Variants in SLC7A14 observed in about 807,000 individuals in gnomAD.
SLC7A14 encodes solute carrier family 7 member 14.
In SLC7A14, 37 loss-of-function variants were observed where a neutral mutation model predicts 60.2. The ratio of observed to expected loss-of-function variants is 0.61; its 90% confidence interval spans 0.47 to 0.81. The LOEUF (loss-of-function observed/expected upper bound fraction) is 0.81. Ranked by LOEUF, SLC7A14 falls within the 30% of genes least tolerant of loss-of-function variation. SLC7A14 has a pLI of 0.00. For missense variants in SLC7A14, 886 were observed against 982.7 expected (o/e 0.90, Z 1.32); for synonymous variants, 399 against 395.8 (o/e 1.01, Z -0.10).
At chr3:170,548,729 A>G (rs930691563) in intron 1 of SLC7A14, among the ~76,000 whole-genome samples, 3 of 152,168 alleles carry the variant, frequency 2.0e-5, no homozygotes, top group Non-Finnish European at 4.4e-5. Context: ...ATATTTTTGC[A>G]ATTCCTGGTT....
At chr3:170,560,356 T>C (rs1368633299) in intron 1 of SLC7A14, among the ~76,000 whole-genome samples, 23 of 152,026 alleles carry the variant, frequency 1.5e-4, no homozygotes, top group Non-Finnish European at 2.9e-5. Flanking sequence ...GAACAAAAGA[T>C]TAGTATAAAT....
rs1713821232 is a variant in SLC7A14 at position 170,535,888 on chromosome 3, A to C, written c.-152-8800T>G. On this transcript the variant is annotated intron_variant, in intron 1 of 7. Coordinates refer to ENST00000231706, the MANE Select transcript of SLC7A14 (RefSeq NM_020949.3). The surrounding 1 kb of genome is among the most constrained non-coding windows in gnomAD (Gnocchi z 4.3). ...ACTGCCCTCATCTTTATATATATTA[A>C]CAGTTCTTTTCACTAACTTTCCTCA... Among the ~76,000 whole-genome samples, 1 of 152,110 alleles carries C rather than the reference A, an allele frequency of 6.6e-6. No individual in the cohort carries two copies. Among genetic ancestry groups the C allele is most frequent in the Non-Finnish European group, 1.5e-5 (1 of 68,016 alleles).
chr3:170,554,744 T>A (rs1269382812), intron 1 of SLC7A14, among the ~76,000 whole-genome samples: 2 of 152,230 alleles, frequency 1.3e-5, no homozygotes, highest in Admixed American at 6.5e-5. Context: ...AACACCCTGA[T>A]GCAAAAAGAA....
In SLC7A14 at chr3:170,562,827, A is replaced by G. The variant is rs533107973; in HGVS notation, c.-153+23084T>C. On this transcript the variant is annotated intron_variant, in intron 1 of 7. Transcript: ENST00000231706. ...GCTGGAGTACAGTGGCACGATCTCA[A>G]CTCACTGTGACCTCTAGAGGCCTCC... Among the ~76,000 whole-genome samples, 346 of 151,732 alleles carry G rather than the reference A, an allele frequency of 2.3e-3. 1 individual carries two copies. Among genetic ancestry groups the G allele is most frequent in the African/African-American group, 8.0e-3 (329 of 41,360 alleles).
chr3:170,480,506 C>T lies in SLC7A14; in HGVS notation c.1776G>A (p.Glu592=), dbSNP rs1711773965. ...CCAGAAGGATGGCCCACCAGCTCTG[C>T]TCTGAGATGTAGTCAGAACCAAAGA... The part of the protein sequence containing the change: ...FIIFGSDYIS[E]QSWWAILLVV... Residue 592 remains glutamate (E), a synonymous_variant, in exon 7 of 8, where the codon GAG becomes GAA. Transcript: ENST00000231706. 6.2e-7 allele frequency: 1 copy of T among 1,614,080 alleles called. No individual in the cohort carries two copies. The highest frequency in any genetic ancestry group is 1.1e-5 in the South Asian group (1 of 91,082).
At chr3:170,483,191 C>T in intron 6 of SLC7A14, 123 bp downstream of exon 6, 1 of 1,149,388 alleles carries the variant, frequency 8.7e-7, no homozygotes, top group Non-Finnish European at 1.3e-6. Flanking sequence ...GGATACATAA[C>T]AAGGTCCACA....
At chr3:170,494,293 A>G (rs16855137) in intron 4 of SLC7A14, among the ~76,000 whole-genome samples, 55,097 of 152,200 alleles carry the variant, frequency 0.36, 11,247 homozygotes, top group African/African-American at 0.57. Flanking sequence ...TGTCACAAAG[A>G]AAATGTTCAA....
rs1713530061 is a variant in SLC7A14, at chr3:170,527,008, G to A, written c.-72C>T. ...TACAAAGCCTTAGTGGATGGTTCTGGAACTCATCTAGTGAACAGGGATCTC... is the reference window on the plus strand; with the variant it reads ...TACAAAGCCTTAGTGGATGGTTCTGAAACTCATCTAGTGAACAGGGATCTC... On this transcript the variant is annotated 5_prime_UTR_variant, in exon 2 of 8. Coordinates refer to ENST00000231706, the MANE Select transcript of SLC7A14 (RefSeq NM_020949.3). 2.7e-6 allele frequency: 4 copies of A among 1,481,874 alleles called. No individual in the cohort carries two copies. The highest frequency in any genetic ancestry group is 3.6e-6 in the Non-Finnish European group (4 of 1,102,362). The allele number at this position is 1,481,874 out of a possible 1,614,324, so 91.8% of individuals were successfully genotyped here.
chr3:170,560,012 A>G (rs1406464487), intron 1 of SLC7A14, among the ~76,000 whole-genome samples: 2 of 152,244 alleles, frequency 1.3e-5, no homozygotes, highest in African/African-American at 2.4e-5. Context: ...TGTCTTATCA[A>G]TAACTTTATA....
intron 1 of SLC7A14, among the ~76,000 whole-genome samples, chr3:170,554,173 G>A (rs1009084671): frequency 6.6e-6 from 1 of 152,166 alleles, no homozygotes; most frequent in African/African-American, 2.4e-5. Flanking sequence ...AATAAATGTT[G>A]AGACATTTGC....
intron 1 of SLC7A14, among the ~76,000 whole-genome samples, chr3:170,569,711 A>G (rs988039626): frequency 3.9e-5 from 6 of 152,036 alleles, no homozygotes; most frequent in Non-Finnish European, 8.8e-5. Flanking sequence ...CTATTCAGAG[A>G]TTCAACTTCT....
At chr3:170,502,966 C>T (rs191454029) in intron 2 of SLC7A14, 1 of 152,308 alleles carries the variant, frequency 6.6e-6, no homozygotes, top group Non-Finnish European at 1.5e-5. Context: ...CTCTGACCCT[C>T]TAGGATTCCA....
At chr3:170,507,885 C>T (rs893729618) in intron 2 of SLC7A14, among the ~76,000 whole-genome samples, 1 of 152,156 alleles carries the variant, frequency 6.6e-6, no homozygotes, top group African/African-American at 2.4e-5. Flanking sequence ...TCCCCAAAGC[C>T]CCTCACCCTC....
rs1361652051 is a variant in SLC7A14, at chr3:170,532,973, A to G, written c.-152-5885T>C. Among the ~76,000 whole-genome samples, 1 of 152,008 alleles carries G rather than the reference A, an allele frequency of 6.6e-6. No homozygotes were observed. The highest frequency in any genetic ancestry group is 1.5e-5 in the Non-Finnish European group (1 of 68,010). On this transcript the variant is annotated intron_variant, in intron 1 of 7. Coordinates refer to ENST00000231706, the MANE Select transcript of SLC7A14 (RefSeq NM_020949.3). This position sits in a 1 kb window ranked among gnomAD's most constrained non-coding sequence, Gnocchi z 4.0. Reference sequence around the variant, plus strand: ...GCCTTTGGGTGTTATGCCTCCTCTCATTCTTCTATACTTTTGACTTTTTTC... The same window carrying G: ...GCCTTTGGGTGTTATGCCTCCTCTCGTTCTTCTATACTTTTGACTTTTTTC...
chr3:170,465,757 T>C lies in SLC7A14; in HGVS notation c.*1298A>G, dbSNP rs2108261078. The C allele has an allele frequency of 6.6e-6, 1 of 152,338 alleles. No individual in the cohort carries two copies. The highest frequency in any genetic ancestry group is 1.9e-4 in the East Asian group (1 of 5,190). 9.4% of individuals were successfully genotyped at this position (152,338 alleles called of 1,614,324 possible). Reference sequence around the variant, plus strand: ...CGTATCTCAGTGCAGCCACAGGAATTCTTGTAACCCAAGAGTAGAATTTAT... The same window carrying C: ...CGTATCTCAGTGCAGCCACAGGAATCCTTGTAACCCAAGAGTAGAATTTAT... On this transcript the variant is annotated 3_prime_UTR_variant, in exon 8 of 8. Coordinates refer to ENST00000231706, the MANE Select transcript of SLC7A14 (RefSeq NM_020949.3).
At chr3:170,545,242 C>G (rs1714141840) in intron 1 of SLC7A14, among the ~76,000 whole-genome samples, 1 of 152,194 alleles carries the variant, frequency 6.6e-6, no homozygotes, top group African/African-American at 2.4e-5. Flanking sequence ...ATTGGAAGAG[C>G]CAGGATGCCA....
Position 170,552,229 on chromosome 3 carries a change from A to G in SLC7A14, c.-152-25141T>C, listed in dbSNP as rs377433802. 2.0e-4 allele frequency among the ~76,000 whole-genome samples: 31 copies of G among 152,272 alleles called. No homozygotes were observed. In the East Asian group the frequency reaches 2.1e-3, roughly 10 times the overall value. On this transcript the variant is annotated intron_variant, in intron 1 of 7. Transcript: ENST00000231706. ...CAATTGGTGTCTTAGTGTCAAGACA[A>G]TTCAATAGGAAAAATAAGAGTCTAG... is the stretch of plus-strand genomic sequence containing the variant.
At chr3:170,552,705 GCTT>G (rs1193368765) in intron 1 of SLC7A14, among the ~76,000 whole-genome samples, 12 of 152,136 alleles carry the variant, frequency 7.9e-5, no homozygotes, top group African/African-American at 2.9e-4. Flanking sequence ...CCCATTGAGA[GCTT>G]CTTTTCTAAA....
chr3:170,515,089 G>A (rs978835075), intron 2 of SLC7A14, among the ~76,000 whole-genome samples: 5 of 152,040 alleles, frequency 3.3e-5, no homozygotes, highest in Non-Finnish European at 7.4e-5. Flanking sequence ...GAGGCAGGTG[G>A]ATCACCTGAG....
Sources: allele counts gnomAD v4.1 joint callset (sites outside exome capture counted in the v4.1 genomes callset), GRCh38; gene constraint gnomAD v4.1.1; non-coding constraint Gnocchi (gnomAD v3.1); transcripts MANE v1.5; gene names NCBI Gene and HGNC (gene_info 2026-07-23, HGNC 2026-07-21).